Variants in ZNF491 observed in about 807,000 individuals in gnomAD.
The protein encoded by ZNF491 is zinc finger protein 491.
Under a neutral mutation model 34.7 loss-of-function variants are expected in ZNF491, and 22 were observed. That is an observed-to-expected ratio of 0.63 (90% CI 0.45 to 0.90). The LOEUF (loss-of-function observed/expected upper bound fraction) is 0.90, where lower values mean the gene tolerates loss of function less well. ZNF491 is among the 40% of genes least tolerant of loss of function. The probability of loss-of-function intolerance (pLI) is 0.00; values close to 1 mark genes in which losing one functional copy is unlikely to be tolerated. For missense variants in ZNF491, 559 were observed against 531.7 expected, an observed-to-expected ratio of 1.05 and a Z score of -0.51; for synonymous variants, 148 against 174.3, an observed-to-expected ratio of 0.85 and a Z score of 1.19.
chr19:11,803,944 C>T (rs373648345), intron 1 of ZNF491, among the ~76,000 whole-genome samples: 3 of 152,218 alleles, frequency 2.0e-5, no homozygotes, highest in African/African-American at 7.2e-5. Context: ...GTGGCTTACG[C>T]CTGTAATCCC....
chr19:11,801,347 G>A (rs1474900746), intron 1 of ZNF491, among the ~76,000 whole-genome samples: 1 of 152,030 alleles, frequency 6.6e-6, no homozygotes, highest in Admixed American at 6.6e-5. Context: ...TGTATGTCTG[G>A]GAGAAATGTC....
intron 1 of ZNF491, among the ~76,000 whole-genome samples, chr19:11,803,206 C>T (rs1975574587): frequency 6.6e-6 from 1 of 152,084 alleles, no homozygotes; most frequent in African/African-American, 2.4e-5. Flanking sequence ...TGGTTTTGAA[C>T]TCCTAATCTC....
Position 11,806,127 on chromosome 19 carries a change from T to C in ZNF491, c.174T>C (p.Thr58=). 1.2e-6 allele frequency: 2 copies of C among 1,613,860 alleles called. No individual in the cohort carries two copies. Among genetic ancestry groups the C allele is most frequent in the African/African-American group, 2.7e-5 (2 of 75,010 alleles). ...GYSSFNRNIR[T]DTGHQPHKCQ... is the part of the protein sequence containing the mutation. ...CATCCTTTAATAGGAACATCAGAAC[T>C]GACACTGGACACCAACCACATAAGT... The change falls in exon 3 of 3, where the codon ACT becomes ACC. Residue 58 remains threonine, a synonymous_variant. Coordinates refer to ENST00000323169, the MANE Select transcript of ZNF491 (RefSeq NM_152356.4).
At chr19:11,801,919 C>A (rs906605434) in intron 1 of ZNF491, among the ~76,000 whole-genome samples, 2 of 152,124 alleles carry the variant, frequency 1.3e-5, no homozygotes, top group Non-Finnish European at 2.9e-5. Context: ...ATTATCCATT[C>A]ATCCATTGAT....
intron 1 of ZNF491, among the ~76,000 whole-genome samples, chr19:11,804,206 C>CAAA (rs71166629): frequency 1.5e-3 from 103 of 69,378 alleles, no homozygotes; most frequent in East Asian, 2.0e-3. Flanking sequence ...CCATCTCAGA[C>CAAA]AAAAAAAAAA....
chr19:11,806,844 A>G lies in ZNF491; in HGVS notation c.891A>G (p.Lys297=), dbSNP rs750327265. The change falls in exon 3 of 3, where the codon AAA becomes AAG. Residue 297 remains lysine, a synonymous_variant. Coordinates refer to ENST00000323169, the MANE Select transcript of ZNF491 (RefSeq NM_152356.4). ...QRHERSHTGE[K]PYKCKQCGKA... ...ATGAAAGAAGTCACACTGGAGAGAA[A>G]CCCTACAAATGCAAGCAATGTGGGA... 2 of 1,608,840 alleles carry G rather than the reference A, an allele frequency of 1.2e-6. No homozygotes were observed. The highest frequency in any genetic ancestry group is 8.5e-7 in the Non-Finnish European group (1 of 1,177,946).
At chr19:11,799,690 C>CT (rs1229451863) in intron 1 of ZNF491, among the ~76,000 whole-genome samples, 1 of 152,066 alleles carries the variant, frequency 6.6e-6, no homozygotes, top group Non-Finnish European at 1.5e-5. Context: ...AATCCCAGCA[C>CT]TTTGGGAGGC....
At chr19:11,799,347 A>T (rs563212000) in intron 1 of ZNF491, 2 of 152,196 alleles carry the variant, frequency 1.3e-5, no homozygotes, top group South Asian at 2.1e-4. Context: ...GATCCACGGA[A>T]ATGGGCTCAG....
rs1424112331 is a variant in ZNF491, at chr19:11,808,325, T to C, written c.*1058T>C. Among the ~76,000 whole-genome samples, 2 of 149,600 alleles carry C rather than the reference T, an allele frequency of 1.3e-5. No homozygotes were observed. The highest frequency in any genetic ancestry group is 3.0e-5 in the Non-Finnish European group (2 of 67,734). On this transcript the variant is annotated 3_prime_UTR_variant, in exon 3 of 3. Transcript: ENST00000323169. ...TGAACCTGGGAGGTGGAGGTTGCAG[T>C]GAGCCAAGATCACGCCACTGTACTC...
intron 2 of ZNF491, 129 bp from the exon 3 acceptor site, chr19:11,805,818 G>A (rs1599281403): frequency 1.3e-6 from 1 of 773,808 alleles, no homozygotes; most frequent in East Asian, 2.8e-5. Context: ...CTGCACTCCA[G>A]CCTGGGTAAC....
At chr19:11,800,057 G>A (rs936270322) in intron 1 of ZNF491, among the ~76,000 whole-genome samples, 1 of 152,194 alleles carries the variant, frequency 6.6e-6, no homozygotes, top group Admixed American at 6.5e-5. Flanking sequence ...ACAGCTAATA[G>A]GCAAGGTGAG....
At chr19:11,799,878 G>A (rs1231315521) in intron 1 of ZNF491, among the ~76,000 whole-genome samples, 1 of 152,010 alleles carries the variant, frequency 6.6e-6, no homozygotes, top group Non-Finnish European at 1.5e-5. Flanking sequence ...GGTTGCGTGA[G>A]CCGAGATGGT....
chr19:11,806,987 A>G lies in ZNF491; in HGVS notation c.1034A>G (p.His345Arg), dbSNP rs1257340133. The part of the protein sequence containing the change: ...AFRSAKYIRI[H>R]GRTHTGEKPY... ...AGATCTGCCAAGTACATTCGAATAC[A>G]TGGAAGGACTCACACTGGTGAGAAA... is the stretch of plus-strand genomic sequence containing the variant. The change falls in exon 3 of 3, where the codon CAT (histidine) becomes CGT (arginine). Residue 345 changes from histidine to arginine, a missense_variant. Physicochemically the swap from His to Arg is conservative, Grantham distance 29. Coordinates refer to ENST00000323169, the MANE Select transcript of ZNF491 (RefSeq NM_152356.4). The G allele has an allele frequency of 1.9e-6, 3 of 1,613,030 alleles. No individual in the cohort carries two copies. The highest frequency in any genetic ancestry group is 1.7e-5 in the Admixed American group (1 of 59,774).
In ZNF491 at chr19:11,808,310, AGGTG is replaced by A. The variant is rs1975640958; in HGVS notation, c.*1045_*1048del. On this transcript the variant is annotated 3_prime_UTR_variant, in exon 3 of 3. Transcript: ENST00000323169. ...GGCAGGAGAATCTCCTGAACCTGGG[AGGTG>A]GAGGTTGCAGTGAGCCAAGATCACG... is the stretch of plus-strand genomic sequence containing the variant. 6.6e-6 allele frequency among the ~76,000 whole-genome samples: 1 copy of A among 151,038 alleles called. No homozygotes were observed. The highest frequency in any genetic ancestry group is 1.5e-5 in the Non-Finnish European group (1 of 67,822).
chr19:11,805,820 C>T, intron 2 of ZNF491, 127 bp from the exon 3 acceptor site: 2 of 782,524 alleles, frequency 2.6e-6, no homozygotes, highest in Non-Finnish European at 3.9e-6. Flanking sequence ...GCACTCCAGC[C>T]TGGGTAACAG....
Position 11,801,573 on chromosome 19 carries a change from T to C in ZNF491, c.-134+2846T>C, listed in dbSNP as rs143632560. ...AGGAGGCTGAGGCAGGAGAATTGCT[T>C]GAACCTGGGAGGCGGAGGTTGCAGT... On this transcript the variant is annotated intron_variant, in intron 1 of 2. Coordinates refer to ENST00000323169, the MANE Select transcript of ZNF491 (RefSeq NM_152356.4). Among the ~76,000 whole-genome samples, 289 of 152,328 alleles carry C rather than the reference T, an allele frequency of 1.9e-3. 3 individuals are homozygous for C. Among genetic ancestry groups the C allele is most frequent in the Admixed American group, 0.011 (161 of 15,296 alleles).
intron 1 of ZNF491, among the ~76,000 whole-genome samples, chr19:11,803,013 A>G (rs945326317): frequency 4.2e-5 from 6 of 142,832 alleles, no homozygotes; most frequent in African/African-American, 1.3e-4. Context: ...ATGGACTCTC[A>G]CTCTGTTGTC....
Position 11,806,621 on chromosome 19 carries a change from C to A in ZNF491, c.668C>A (p.Ala223Asp). 6.2e-7 allele frequency: 1 copy of A among 1,613,962 alleles called. No homozygotes were observed. The highest frequency in any genetic ancestry group is 8.5e-7 in the Non-Finnish European group (1 of 1,179,962). ...KPYKCKECGK[A>D]FNCPSSFHRH... is the part of the protein sequence containing the mutation. The stretch of plus-strand genomic sequence containing the variant: ...TACAAATGTAAGGAATGTGGGAAAG[C>A]CTTCAATTGTCCCAGTTCTTTTCAC... Residue 223 changes from alanine (A) to aspartate (D), a missense_variant, in exon 3 of 3, where the codon GCC (alanine) becomes GAC (aspartate). Transcript: ENST00000323169.
At position 11,806,860 on chromosome 19, in the gene ZNF491, C is replaced by T; in HGVS notation, c.907C>T (p.Gln303Ter). 1 of 1,608,368 alleles carries T rather than the reference C, an allele frequency of 6.2e-7. No individual in the cohort carries two copies. Among genetic ancestry groups the T allele is most frequent in the African/African-American group, 1.3e-5 (1 of 74,532 alleles). Residue 303 changes from glutamine (Q) to a stop codon, truncating the protein, a stop_gained, in exon 3 of 3, where the codon CAA (glutamine) becomes TAA (stop). Coordinates refer to ENST00000323169, the MANE Select transcript of ZNF491 (RefSeq NM_152356.4). LOFTEE classifies it high-confidence loss of function. ...HTGEKPYKCK[Q>*]CGKAFTCSTS... is the part of the protein sequence containing the mutation. Reference sequence around the variant, plus strand: ...TGGAGAGAAACCCTACAAATGCAAGCAATGTGGGAAAGCCTTCACTTGTTC... The same window carrying T: ...TGGAGAGAAACCCTACAAATGCAAGTAATGTGGGAAAGCCTTCACTTGTTC...
Sources: allele counts gnomAD v4.1 joint callset (sites outside exome capture counted in the v4.1 genomes callset), GRCh38; gene constraint gnomAD v4.1.1; transcripts MANE v1.5; gene names NCBI Gene and HGNC (gene_info 2026-07-23, HGNC 2026-07-21).